ARL15: variants seen among roughly 807,000 people sequenced by gnomAD.
ARL15 encodes ARF like GTPase 15.
In ARL15, 19 loss-of-function variants were observed where a neutral mutation model predicts 25.2. The observed-to-expected ratio is 0.75, with a 90% CI of 0.53 to 1.10. The LOEUF (loss-of-function observed/expected upper bound fraction) is 1.10. ARL15 is among the 50% of genes least tolerant of loss of function. ARL15 has a pLI of 0.00. For missense variants in ARL15, 220 were observed against 246.0 expected (o/e 0.89, Z 0.71); for synonymous variants, 94 against 86.8 (o/e 1.08, Z -0.46).
chr5:54,145,052 T>C (rs889603113), intron 3 of ARL15, among the ~76,000 whole-genome samples: 3 of 152,216 alleles, frequency 2.0e-5, no homozygotes, highest in Non-Finnish European at 4.4e-5. Flanking sequence ...ATTTTTGTTA[T>C]AGATTTAATT....
At chr5:53,977,607 G>A (rs548206526) in intron 4 of ARL15, among the ~76,000 whole-genome samples, 1 of 152,242 alleles carries the variant, frequency 6.6e-6, no homozygotes, top group Non-Finnish European at 1.5e-5. Flanking sequence ...AATTTTGCCA[G>A]AACAAACTAA....
At chr5:53,891,941 A>C (rs981725417) in intron 4 of ARL15, among the ~76,000 whole-genome samples, 1 of 152,250 alleles carries the variant, frequency 6.6e-6, no homozygotes, top group African/African-American at 2.4e-5. Flanking sequence ...AAAACAAAAC[A>C]ACAACAGCAG....
chr5:54,111,918 C>A (rs1752752612), intron 4 of ARL15, among the ~76,000 whole-genome samples: 1 of 152,078 alleles, frequency 6.6e-6, no homozygotes, highest in African/African-American at 2.4e-5. Flanking sequence ...CATTAGGAGA[C>A]ACCATCATTA....
chr5:54,276,859 T>C (rs1757942253), intron 1 of ARL15, among the ~76,000 whole-genome samples: 1 of 152,202 alleles, frequency 6.6e-6, no homozygotes, highest in African/African-American at 2.4e-5. Context: ...TACAGATAGC[T>C]GCTAGAAGCA....
intron 4 of ARL15, among the ~76,000 whole-genome samples, chr5:53,925,996 T>G (rs1746008382): frequency 1.1e-5 from 1 of 92,500 alleles, no homozygotes; most frequent in Non-Finnish European, 2.0e-5. Flanking sequence ...CTTTTTTCTT[T>G]CTTTTTTTTT....
intron 4 of ARL15, among the ~76,000 whole-genome samples, chr5:54,110,520 C>T (rs1752709833): frequency 2.6e-5 from 4 of 151,936 alleles, no homozygotes; most frequent in Non-Finnish European, 5.9e-5. Flanking sequence ...TTGAATGCAC[C>T]TTCCTTGATT....
intron 1 of ARL15, among the ~76,000 whole-genome samples, chr5:54,233,834 C>G (rs1756734316): frequency 1.3e-5 from 2 of 152,174 alleles, no homozygotes; most frequent in South Asian, 4.1e-4. Context: ...AAACACACAA[C>G]AGATTAAATG....
At chr5:53,987,216 G>A (rs1316041627) in intron 4 of ARL15, among the ~76,000 whole-genome samples, 1 of 151,728 alleles carries the variant, frequency 6.6e-6, no homozygotes, top group Non-Finnish European at 1.5e-5. Flanking sequence ...CATTAACAAT[G>A]AAGTATACTA....
At chr5:54,080,465 G>A (rs1751763817) in intron 4 of ARL15, among the ~76,000 whole-genome samples, 1 of 152,038 alleles carries the variant, frequency 6.6e-6, no homozygotes, top group African/African-American at 2.4e-5. Context: ...TAAGCATTTA[G>A]GTATGGCTAT....
chr5:53,913,126 C>T (rs772179741), intron 4 of ARL15, among the ~76,000 whole-genome samples: 29 of 152,032 alleles, frequency 1.9e-4, no homozygotes, highest in Non-Finnish European at 1.6e-4. Flanking sequence ...GAGTGAGACC[C>T]CATCTCTACA....
chr5:54,020,211 T>C (rs1383441674), intron 4 of ARL15, among the ~76,000 whole-genome samples: 1 of 152,218 alleles, frequency 6.6e-6, no homozygotes, highest in Non-Finnish European at 1.5e-5. Flanking sequence ...GAACCTGGAC[T>C]GGCACTGGGG....
In ARL15 at chr5:54,153,737, A is replaced by G. The variant is rs559568581; in HGVS notation, c.253+843T>C. 7.2e-5 allele frequency among the ~76,000 whole-genome samples: 11 copies of G among 152,340 alleles called. No individual in the cohort carries two copies. The East Asian group carries it at 1.9e-3, about 27-fold the overall frequency. ...TATTAGATAAAAATAAGAAGGTACCAAACGCTATTAAAATGGCGTAAAGTT... is the reference window on the plus strand; with the variant it reads ...TATTAGATAAAAATAAGAAGGTACCGAACGCTATTAAAATGGCGTAAAGTT... On this transcript the variant is annotated intron_variant, in intron 3 of 4. Coordinates refer to ENST00000504924, the MANE Select transcript of ARL15 (RefSeq NM_019087.3).
At chr5:54,169,574 A>T (rs1372194405) in intron 2 of ARL15, among the ~76,000 whole-genome samples, 2 of 152,334 alleles carry the variant, frequency 1.3e-5, no homozygotes, top group East Asian at 1.9e-4. Context: ...CTAACAGAAG[A>T]CTATATAGAT....
intron 1 of ARL15, among the ~76,000 whole-genome samples, chr5:54,260,802 T>A (rs1403768614): frequency 6.6e-6 from 1 of 152,152 alleles, no homozygotes; most frequent in African/African-American, 2.4e-5. Flanking sequence ...CAGAAGCAGA[T>A]TAGGACAAGT....
chr5:54,184,289 A>T (rs1211098577), intron 1 of ARL15, among the ~76,000 whole-genome samples: 1 of 150,046 alleles, frequency 6.7e-6, no homozygotes, highest in African/African-American at 2.4e-5. Flanking sequence ...AGAAAAATTT[A>T]AAAATTAGCC....
In ARL15 at chr5:54,309,252, C is replaced by G. The variant is rs184963468; in HGVS notation, c.48+1180G>C. 3.9e-5 allele frequency among the ~76,000 whole-genome samples: 6 copies of G among 152,368 alleles called. No homozygotes were observed. In the East Asian group the frequency reaches 1.2e-3, roughly 29 times the overall value. ...CTCCATTCACAAGGCTATGCATTAACTGCAGTCACCATCCTTTCCCACAAG... is the reference window on the plus strand; with the variant it reads ...CTCCATTCACAAGGCTATGCATTAAGTGCAGTCACCATCCTTTCCCACAAG... On this transcript the variant is annotated intron_variant, in intron 1 of 4. Transcript: ENST00000504924.
intron 1 of ARL15, among the ~76,000 whole-genome samples, chr5:54,286,644 C>G (rs1252656738): frequency 6.6e-6 from 1 of 152,148 alleles, no homozygotes; most frequent in Non-Finnish European, 1.5e-5. Context: ...AAAAATCACA[C>G]GTAATATCCA....
chr5:54,093,248 A>C (rs1752186499), intron 4 of ARL15, among the ~76,000 whole-genome samples: 1 of 152,166 alleles, frequency 6.6e-6, no homozygotes, highest in Non-Finnish European at 1.5e-5. Flanking sequence ...TCTAAGGTGA[A>C]TTCTCCATAG....
At chr5:54,168,668 T>A (rs1034880772) in intron 2 of ARL15, among the ~76,000 whole-genome samples, 1 of 152,062 alleles carries the variant, frequency 6.6e-6, no homozygotes, top group Non-Finnish European at 1.5e-5. Flanking sequence ...AATCTTTCTC[T>A]GAATATACCT....
Sources: allele counts gnomAD v4.1 joint callset (sites outside exome capture counted in the v4.1 genomes callset), GRCh38; gene constraint gnomAD v4.1.1; transcripts MANE v1.5; gene names NCBI Gene and HGNC (gene_info 2026-07-23, HGNC 2026-07-21).